Variants in POLR1A observed in about 807,000 individuals in gnomAD.
POLR1A encodes DNA-directed RNA polymerase I subunit RPA1.
POLR1A carries 84 observed loss-of-function variants against 205.3 expected under a neutral mutation model. That is an observed-to-expected ratio of 0.41 (90% CI 0.34 to 0.49). The LOEUF (loss-of-function observed/expected upper bound fraction) is 0.49. Ranked by LOEUF, POLR1A falls within the 20% of genes least tolerant of loss-of-function variation. POLR1A has a pLI of 0.22. For missense variants in POLR1A, 1,645 were observed against 2,204.5 expected (o/e 0.75, Z 5.08); for synonymous variants, 799 against 863.7 (o/e 0.93, Z 1.31).
At chr2:86,036,480 G>A (rs1473957698) in intron 27 of POLR1A, among the ~76,000 whole-genome samples, 5 of 152,064 alleles carry the variant, frequency 3.3e-5, no homozygotes, top group Non-Finnish European at 1.5e-5. Context: ...GGGAGGGTGG[G>A]GGCAAAGAGA....
At chr2:86,093,502 A>C (rs1328989693) in intron 3 of POLR1A, among the ~76,000 whole-genome samples, 1 of 152,182 alleles carries the variant, frequency 6.6e-6, no homozygotes, top group South Asian at 2.1e-4. Flanking sequence ...TAATCCTCAA[A>C]CAACATTCAA....
chr2:86,076,598 C>T (rs1673288186), intron 11 of POLR1A, among the ~76,000 whole-genome samples: 1 of 152,176 alleles, frequency 6.6e-6, no homozygotes, highest in Non-Finnish European at 1.5e-5. Flanking sequence ...ATACCTACGC[C>T]CCAGGCCACC....
rs1399398459 is a variant in POLR1A at position 86,031,647 on chromosome 2, G to C, written c.4273-12C>G. Reference sequence around the variant, plus strand: ...CTCTCATAATCAACCTGGCAGAAAAGGGAGCACAGGCTGTGTCACTTGGGG... The same window carrying C: ...CTCTCATAATCAACCTGGCAGAAAACGGAGCACAGGCTGTGTCACTTGGGG... On this transcript the variant is annotated splice_polypyrimidine_tract_variant and intron_variant, in intron 29 of 33. Transcript: ENST00000263857. 2.5e-6 allele frequency: 4 copies of C among 1,601,292 alleles called. No homozygotes were observed. The highest frequency in any genetic ancestry group is 3.4e-6 in the Non-Finnish European group (4 of 1,172,680).
At chr2:86,063,760 G>T (rs534456672) in intron 14 of POLR1A, among the ~76,000 whole-genome samples, 1 of 152,278 alleles carries the variant, frequency 6.6e-6, no homozygotes, top group Admixed American at 6.5e-5. Flanking sequence ...AGCAGGAAGA[G>T]ACCTTAGAGA....
intron 14 of POLR1A, among the ~76,000 whole-genome samples, chr2:86,056,176 G>T (rs569475273): frequency 2.6e-5 from 4 of 152,158 alleles, no homozygotes; most frequent in Non-Finnish European, 5.9e-5. Context: ...TTCCGGCCAG[G>T]TGTGGTGGCT....
In POLR1A at chr2:86,054,154, T is replaced by A; in HGVS notation, c.2194A>T (p.Met732Leu). The A allele has an allele frequency of 1.2e-6, 2 of 1,613,814 alleles. No homozygotes were observed. Among genetic ancestry groups the A allele is most frequent in the Non-Finnish European group, 1.7e-6 (2 of 1,179,736 alleles). ...GACAGCCATACCTGGGACTCGCACA[T>A]CGAGTCAGGGTTAAAGCCAGGAACG... ...RSVPGFNPDS[M>L]CESQVIIREG... The change falls in exon 15 of 34, where the codon ATG becomes TTG. Residue 732 changes from methionine (M) to leucine (L), a missense_variant. By Grantham distance (15) the Met-to-Leu change is conservative. Coordinates refer to ENST00000263857, the MANE Select transcript of POLR1A (RefSeq NM_015425.6).
chr2:86,097,064 T>C (rs1302876010), intron 3 of POLR1A, among the ~76,000 whole-genome samples: 1 of 151,714 alleles, frequency 6.6e-6, no homozygotes, highest in African/African-American at 2.4e-5. Flanking sequence ...GCAAATGATC[T>C]GAACAAACAT....
chr2:86,091,236 C>G (rs1673601364), intron 3 of POLR1A, among the ~76,000 whole-genome samples: 1 of 152,178 alleles, frequency 6.6e-6, no homozygotes, highest in Non-Finnish European at 1.5e-5. Context: ...CAGCGTCATC[C>G]TAGCCCTCAA....
At chr2:86,090,019 A>C in intron 3 of POLR1A, 90 bp from the exon 4 acceptor site, 1 of 704,806 alleles carries the variant, frequency 1.4e-6, no homozygotes, top group Admixed American at 2.4e-5. Context: ...AAGGGTGGAA[A>C]AGATTCATTT....
intron 27 of POLR1A, among the ~76,000 whole-genome samples, chr2:86,034,188 A>C (rs575302985): frequency 2.6e-5 from 4 of 152,232 alleles, no homozygotes; most frequent in Non-Finnish European, 5.9e-5. Context: ...GGTGAAGGAC[A>C]GTTGTAGGTG....
In POLR1A at chr2:86,049,309, A is replaced by T. The variant is rs755979886; in HGVS notation, c.2393-67T>A. The stretch of plus-strand genomic sequence containing the variant: ...TGATTTCTCCCACCAGACTAAACTC[A>T]GTAAGGCCAGAGCACAGAGTCCAGT... On this transcript the variant is annotated intron_variant, in intron 16 of 33. Transcript: ENST00000263857. The T allele has an allele frequency of 2.4e-4, 260 of 1,102,656 alleles. No individual in the cohort carries two copies. The highest frequency in any genetic ancestry group is 3.4e-4 in the Non-Finnish European group (243 of 717,806). 68.3% of individuals were successfully genotyped at this position (1,102,656 alleles called of 1,614,324 possible). A position where few individuals can be genotyped will look rare whatever the true frequency, so the allele number is the denominator to read the frequency against.
chr2:86,058,131 C>T (rs185318878), intron 14 of POLR1A, among the ~76,000 whole-genome samples: 4 of 152,284 alleles, frequency 2.6e-5, no homozygotes, highest in South Asian at 2.1e-4. Context: ...GATGGAGTCT[C>T]GCTCTGTCGC....
chr2:86,067,685 T>C (rs1673106410), intron 13 of POLR1A, among the ~76,000 whole-genome samples: 1 of 152,218 alleles, frequency 6.6e-6, no homozygotes, highest in Non-Finnish European at 1.5e-5. Context: ...AATAAAGATA[T>C]GCTAAGAAAA....
At chr2:86,048,449 G>A (rs961971116) in intron 18 of POLR1A, among the ~76,000 whole-genome samples, 1 of 152,164 alleles carries the variant, frequency 6.6e-6, no homozygotes, top group Non-Finnish European at 1.5e-5. Flanking sequence ...GGCAGGGACT[G>A]GTTATCTCAC....
intron 3 of POLR1A, among the ~76,000 whole-genome samples, chr2:86,095,242 T>A (rs1249718871): frequency 6.6e-6 from 1 of 152,006 alleles, no homozygotes; most frequent in East Asian, 1.9e-4. Flanking sequence ...GACTGAAGCA[T>A]CCAAGAAGAG....
intron 12 of POLR1A, among the ~76,000 whole-genome samples, chr2:86,074,579 C>G (rs774730860): frequency 6.6e-6 from 1 of 152,322 alleles, no homozygotes; most frequent in African/African-American, 2.4e-5. Context: ...GCACTATGGG[C>G]TAGCATTAGC....
At position 86,020,930 on chromosome 2, in the gene POLR1A, C is replaced by G. The variant is rs1304225367; in HGVS notation, c.*6493G>C. 6.6e-6 allele frequency: 1 copy of G among 152,320 alleles called. No individual in the cohort carries two copies. The highest frequency in any genetic ancestry group is 2.1e-4 in the South Asian group (1 of 4,828). The allele number at this position is 152,320 out of a possible 1,614,324, so 9.4% of individuals were successfully genotyped here. ...TTAATGAACACAATTAATTTTACCA[C>G]CATTTTACATAAAAGGAAACTGAAG... On this transcript the variant is annotated 3_prime_UTR_variant, in exon 34 of 34. Coordinates refer to ENST00000263857, the MANE Select transcript of POLR1A (RefSeq NM_015425.6).
intron 31 of POLR1A, among the ~76,000 whole-genome samples, chr2:86,029,041 T>TA (rs1672327482): frequency 1.3e-5 from 2 of 152,194 alleles, no homozygotes; most frequent in South Asian, 4.1e-4. Context: ...AGGCTTCCCT[T>TA]AGGAAGCAAG....
intron 12 of POLR1A, among the ~76,000 whole-genome samples, chr2:86,072,190 T>C (rs1673190811): frequency 6.6e-6 from 1 of 152,350 alleles, no homozygotes; most frequent in East Asian, 1.9e-4. Flanking sequence ...GTACCTAGCA[T>C]GGAGTCCGTC....
Sources: gnomAD v4.1 joint callset for allele counts (sites outside exome capture counted in the v4.1 genomes callset) on GRCh38, gnomAD v4.1.1 for gene constraint, MANE v1.5 for transcripts, NCBI Gene and HGNC (gene_info 2026-07-23, HGNC 2026-07-21) for gene names.